The following ASCC3 variants were observed in gnomAD, a reference collection of about 807,000 sequenced individuals.
ASCC3 encodes ASC-1 complex subunit P200.
Under a neutral mutation model 256.3 loss-of-function variants are expected in ASCC3, and 158 were observed. The ratio of observed to expected loss-of-function variants is 0.62; its 90% CI spans 0.54 to 0.70. The LOEUF is 0.70. ASCC3 is among the 30% of genes least tolerant of loss of function. ASCC3 has a pLI of 0.00. For missense variants in ASCC3, 2,259 were observed against 2,626.0 expected (o/e 0.86, Z 3.05); for synonymous variants, 948 against 883.4 (o/e 1.07, Z -1.30).
At chr6:100,711,370 T>C (rs1409714729) in intron 13 of ASCC3, among the ~76,000 whole-genome samples, 1 of 152,188 alleles carries the variant, frequency 6.6e-6, no homozygotes, top group African/African-American at 2.4e-5. Flanking sequence ...CACAGTAAAG[T>C]ATTTATATTT....
intron 13 of ASCC3, among the ~76,000 whole-genome samples, chr6:100,688,151 A>G (rs1777672384): frequency 6.6e-6 from 1 of 152,052 alleles, no homozygotes; most frequent in Admixed American, 6.6e-5. Context: ...GTCAAAAAAT[A>G]TGGCTTGAAG....
At chr6:100,734,554 C>T (rs1780056863) in intron 10 of ASCC3, among the ~76,000 whole-genome samples, 1 of 152,084 alleles carries the variant, frequency 6.6e-6, no homozygotes, top group East Asian at 1.9e-4. Flanking sequence ...ACGGTACTTA[C>T]CTTTTAGGTT....
At chr6:100,863,967 T>G in intron 3 of ASCC3, 97 bp downstream of exon 3, 5 of 1,144,370 alleles carry the variant, frequency 4.4e-6, no homozygotes, top group Non-Finnish European at 6.0e-6. Flanking sequence ...CCAGGAAATT[T>G]TAGCTTTCCT....
intron 13 of ASCC3, among the ~76,000 whole-genome samples, chr6:100,706,641 T>C (rs1372299836): frequency 6.6e-6 from 1 of 152,000 alleles, no homozygotes; most frequent in Non-Finnish European, 1.5e-5. Context: ...CAATTTTCTG[T>C]GCTGGATATA....
intron 3 of ASCC3, among the ~76,000 whole-genome samples, chr6:100,854,532 T>C (rs1387707592): frequency 6.6e-6 from 1 of 152,108 alleles, no homozygotes; most frequent in East Asian, 1.9e-4. Context: ...ACAAAGATAT[T>C]TGTTAGAAAA....
intron 36 of ASCC3, among the ~76,000 whole-genome samples, chr6:100,570,786 G>A (rs1287372027): frequency 6.6e-6 from 1 of 152,004 alleles, no homozygotes; most frequent in Non-Finnish European, 1.5e-5. Context: ...CTCAATTAAT[G>A]GTATTCTCTC....
At chr6:100,739,642 A>G (rs954840960) in intron 10 of ASCC3, among the ~76,000 whole-genome samples, 1 of 152,062 alleles carries the variant, frequency 6.6e-6, no homozygotes, top group Admixed American at 6.6e-5. Context: ...CAGGGATTCA[A>G]TTTCTTCCTG....
intron 30 of ASCC3, among the ~76,000 whole-genome samples, chr6:100,612,434 T>C (rs1475671547): frequency 6.6e-6 from 1 of 152,090 alleles, no homozygotes; most frequent in Non-Finnish European, 1.5e-5. Context: ...CACAGAATCC[T>C]CATTATCAGA....
chr6:100,797,642 T>C (rs1045497792), intron 8 of ASCC3, among the ~76,000 whole-genome samples: 5 of 152,050 alleles, frequency 3.3e-5, no homozygotes, highest in South Asian at 2.1e-4. Context: ...GAATCACCCA[T>C]AGAGCTTCAA....
intron 14 of ASCC3, among the ~76,000 whole-genome samples, chr6:100,669,482 A>G (rs1776637263): frequency 6.6e-6 from 1 of 151,578 alleles, no homozygotes; most frequent in Non-Finnish European, 1.5e-5. Flanking sequence ...ATTTTGAGAC[A>G]GGAAAACTTG....
rs539159837 is a variant in ASCC3, at chr6:100,681,713, G to A, written c.2152-1961C>T. ...CTGCACTCCAGCCTGGCAACAGAGC[G>A]AGACTCCGTCTCAAAAAAAAAAAAA... On this transcript the variant is annotated intron_variant, in intron 13 of 41. Coordinates refer to ENST00000369162, the MANE Select transcript of ASCC3 (RefSeq NM_006828.4). Among the ~76,000 whole-genome samples the A allele has an allele frequency of 5.9e-4, 61 of 103,408 alleles. No individual in the cohort carries two copies. In the East Asian group the frequency reaches 9.5e-3, roughly 16 times the overall value. The allele number at this position is 103,408 out of a possible 152,430, so 67.8% of individuals were successfully genotyped here.
intron 4 of ASCC3, among the ~76,000 whole-genome samples, chr6:100,823,415 T>C (rs2076386989): frequency 6.6e-6 from 1 of 152,184 alleles, no homozygotes; most frequent in Admixed American, 6.5e-5. Flanking sequence ...AAGAGATTTT[T>C]AAAACAAAAC....
chr6:100,638,874 C>A, intron 24 of ASCC3, 53 bp from the exon 25 acceptor site: 2 of 1,334,566 alleles, frequency 1.5e-6, no homozygotes, highest in South Asian at 1.2e-5. Flanking sequence ...ACGCATAATA[C>A]TGAATACTGT....
At chr6:100,646,069 AT>A (rs1775365345) in intron 22 of ASCC3, among the ~76,000 whole-genome samples, 3 of 152,114 alleles carry the variant, frequency 2.0e-5, no homozygotes, top group Admixed American at 6.5e-5. Flanking sequence ...AAAATCTTGA[AT>A]TTTTTGGAAG....
intron 30 of ASCC3, among the ~76,000 whole-genome samples, chr6:100,608,126 A>ATATATG (rs1169084439): frequency 2.5e-5 from 3 of 122,340 alleles, no homozygotes; most frequent in African/African-American, 9.6e-5. Context: ...ATCTATATAT[A>ATATATG]CATATATATG....
In ASCC3 at chr6:100,771,734, A is replaced by G. The variant is rs987949196; in HGVS notation, c.1396-4389T>C. Among the ~76,000 whole-genome samples, 3 of 151,902 alleles carry G rather than the reference A, an allele frequency of 2.0e-5. No individual in the cohort carries two copies. The South Asian group carries it at 6.2e-4, about 32-fold the overall frequency. ...GCACCTGTTAAAATGGCTAACATTT[A>G]AAAAATTGGCAAAATGTTTAATAAT... On this transcript the variant is annotated intron_variant, in intron 8 of 41. Transcript: ENST00000369162.
chr6:100,657,568 A>G (rs1449268494), intron 16 of ASCC3, among the ~76,000 whole-genome samples: 2 of 151,490 alleles, frequency 1.3e-5, no homozygotes, highest in Non-Finnish European at 3.0e-5. Flanking sequence ...AATGACCTAC[A>G]TTCCCTTATA....
intron 36 of ASCC3, among the ~76,000 whole-genome samples, chr6:100,570,601 C>G (rs752539630): frequency 6.6e-6 from 1 of 152,070 alleles, no homozygotes; most frequent in Admixed American, 6.6e-5. Context: ...TCCCCAATGT[C>G]TACATGCTAG....
intron 12 of ASCC3, among the ~76,000 whole-genome samples, chr6:100,716,957 A>C (rs1779114437): frequency 1.3e-5 from 2 of 151,978 alleles, no homozygotes; most frequent in Non-Finnish European, 2.9e-5. Flanking sequence ...CATCTATCCT[A>C]CTGATATGTT....
Sources: gnomAD v4.1 joint callset for allele counts (sites outside exome capture counted in the v4.1 genomes callset) on GRCh38, gnomAD v4.1.1 for gene constraint, MANE v1.5 for transcripts, NCBI Gene and HGNC (gene_info 2026-07-23, HGNC 2026-07-21) for gene names.